The following CLMP variants were observed in gnomAD, a reference collection of about 807,000 sequenced individuals.
CLMP encodes the protein CXADR-like membrane protein.
Under a neutral mutation model 45.2 loss-of-function variants are expected in CLMP, and 27 were observed. The observed-to-expected ratio is 0.60, with a 90% CI of 0.44 to 0.82. The LOEUF (loss-of-function observed/expected upper bound fraction) is 0.82. Among genes scored for constraint, CLMP ranks in the 40% least tolerant of loss-of-function variants. The pLI, the probability that CLMP is intolerant of heterozygous loss-of-function variation, is 0.00. For synonymous variants in CLMP, 167 were observed against 171.4 expected (o/e 0.97, Z 0.20); for missense variants, 403 against 448.4 (o/e 0.90, Z 0.91).
At chr11:123,128,954 T>G (rs939884776) in intron 1 of CLMP, among the ~76,000 whole-genome samples, 1 of 152,194 alleles carries the variant, frequency 6.6e-6, no homozygotes, top group Non-Finnish European at 1.5e-5. Flanking sequence ...AGAAATTGAC[T>G]GCAGAAATAC....
rs185010968 is a variant in CLMP, at chr11:123,096,790, T to C, written c.186+1005A>G. On this transcript the variant is annotated intron_variant, in intron 2 of 6. Coordinates refer to ENST00000448775, the MANE Select transcript of CLMP (RefSeq NM_024769.5). ...GACAGAGAAGAGGAAAGGACAACTT[T>C]TTTCTTTCTTTTGCTTTTGTTTTGT... is the stretch of plus-strand genomic sequence containing the variant. 8.2e-4 allele frequency among the ~76,000 whole-genome samples: 125 copies of C among 152,134 alleles called. 1 individual carries two copies. Among genetic ancestry groups the C allele is most frequent in the East Asian group, 3.9e-4 (2 of 5,172 alleles).
At chr11:123,121,636 G>C (rs531277341) in intron 1 of CLMP, among the ~76,000 whole-genome samples, 15 of 152,094 alleles carry the variant, frequency 9.9e-5, no homozygotes, top group Non-Finnish European at 2.2e-4. Context: ...TCAGTGGGAG[G>C]TGGGTAATGG....
At chr11:123,160,764 G>A (rs1861476369) in intron 1 of CLMP, among the ~76,000 whole-genome samples, 2 of 152,160 alleles carry the variant, frequency 1.3e-5, no homozygotes, top group South Asian at 2.1e-4. Flanking sequence ...GATCACCTGA[G>A]GTCAGGAGTT....
intron 1 of CLMP, among the ~76,000 whole-genome samples, chr11:123,115,728 A>C (rs1297901104): frequency 2.0e-5 from 3 of 152,150 alleles, no homozygotes; most frequent in Non-Finnish European, 4.4e-5. Context: ...GGGTGTGACC[A>C]TTTCACGAAA....
intron 1 of CLMP, among the ~76,000 whole-genome samples, chr11:123,125,553 C>T (rs1316900419): frequency 1.7e-5 from 2 of 119,664 alleles, no homozygotes; most frequent in Non-Finnish European, 3.6e-5. Flanking sequence ...CTCCCCTCCC[C>T]TCCCTCCCTT....
At position 123,072,294 on chromosome 11, in the gene CLMP, C is replaced by T. The variant is rs1010222938; in HGVS notation, c.*1180G>A. The T allele has an allele frequency of 6.6e-6, 1 of 150,746 alleles. No individual in the cohort carries two copies. The highest frequency in any genetic ancestry group is 2.5e-5 in the African/African-American group (1 of 40,618). 9.3% of individuals were successfully genotyped at this position (150,746 alleles called of 1,614,324 possible). A position where few individuals can be genotyped will look rare whatever the true frequency, so the allele number is the denominator to read the frequency against. On this transcript the variant is annotated 3_prime_UTR_variant, in exon 7 of 7. Transcript: ENST00000448775. ...CCAAGTGTGGTACAATACTGAACTT[C>T]CTTTTATCCTTCCTTGATTTTTTTT...
At chr11:123,085,776 T>G (rs1451159698) in intron 2 of CLMP, among the ~76,000 whole-genome samples, 5 of 147,440 alleles carry the variant, frequency 3.4e-5, no homozygotes, top group Admixed American at 7.1e-5. Flanking sequence ...TATGTTTTTT[T>G]TTTTTTGTTT....
At chr11:123,105,379 C>G (rs868073576) in intron 1 of CLMP, among the ~76,000 whole-genome samples, 1 of 108,448 alleles carries the variant, frequency 9.2e-6, no homozygotes, top group Non-Finnish European at 2.0e-5. Flanking sequence ...CTCCCTCCCT[C>G]CCTCCCTTCC....
chr11:123,158,277 C>A (rs989016051), intron 1 of CLMP, among the ~76,000 whole-genome samples: 1 of 152,190 alleles, frequency 6.6e-6, no homozygotes, highest in East Asian at 1.9e-4. Context: ...TGGATGCAAT[C>A]CTTTTTAATG....
intron 1 of CLMP, among the ~76,000 whole-genome samples, chr11:123,137,614 CAGGCTGCCTGCA>C (rs1366064483): frequency 1.3e-5 from 2 of 152,032 alleles, no homozygotes; most frequent in Non-Finnish European, 2.9e-5. Flanking sequence ...GAGCAGGCTG[CAGGCTGCCTGCA>C]GCCTGTCGCC....
intron 1 of CLMP, among the ~76,000 whole-genome samples, chr11:123,143,256 G>T (rs2135518760): frequency 6.6e-6 from 1 of 152,320 alleles, no homozygotes; most frequent in South Asian, 2.1e-4. Context: ...CCTTAGTGAT[G>T]AATTTTTCTC....
intron 1 of CLMP, chr11:123,136,192 T>C (rs969149010): frequency 7.8e-6 from 5 of 638,768 alleles, no homozygotes; most frequent in Non-Finnish European, 1.2e-5. Context: ...GGAACAAAAA[T>C]CCTGCAAACC....
intron 2 of CLMP, among the ~76,000 whole-genome samples, chr11:123,086,771 T>A (rs944479872): frequency 1.3e-5 from 2 of 152,072 alleles, no homozygotes; most frequent in Non-Finnish European, 2.9e-5. Flanking sequence ...TCCAAGCACT[T>A]TGGGAGACCA....
At chr11:123,107,137 T>C (rs1207852713) in intron 1 of CLMP, among the ~76,000 whole-genome samples, 1 of 151,230 alleles carries the variant, frequency 6.6e-6, no homozygotes, top group East Asian at 1.9e-4. Context: ...CATAACTCAC[T>C]GCAGCCTGAA....
chr11:123,179,232 A>G (rs116130923), intron 1 of CLMP, among the ~76,000 whole-genome samples: 2,496 of 152,340 alleles, frequency 0.016, 70 homozygotes, highest in African/African-American at 0.055. Flanking sequence ...GTCCTTTCTC[A>G]TGGAAGGAGC....
chr11:123,168,477 G>C (rs905971645), intron 1 of CLMP, among the ~76,000 whole-genome samples: 1 of 152,204 alleles, frequency 6.6e-6, no homozygotes, highest in Non-Finnish European at 1.5e-5. Context: ...AGTTGGGAAT[G>C]AGGCAGGGAT....
At chr11:123,136,219 C>G in intron 1 of CLMP, 2 of 647,684 alleles carry the variant, frequency 3.1e-6, no homozygotes, top group Non-Finnish European at 6.0e-6. Context: ...GAACACCACC[C>G]ATTACAATCT....
At chr11:123,167,435 A>G (rs181838082) in intron 1 of CLMP, among the ~76,000 whole-genome samples, 14,339 of 152,016 alleles carry the variant, frequency 0.094, 870 homozygotes, top group Middle Eastern at 0.17. Flanking sequence ...ACAGGCGCCC[A>G]CCACCACGCC....
chr11:123,141,913 C>T (rs1380271525), intron 1 of CLMP, among the ~76,000 whole-genome samples: 2 of 151,808 alleles, frequency 1.3e-5, no homozygotes, highest in Non-Finnish European at 2.9e-5. Flanking sequence ...TCCACTGTGG[C>T]CCCAGCAGAT....
Sources: gnomAD v4.1 joint callset for allele counts (sites outside exome capture counted in the v4.1 genomes callset) on GRCh38, gnomAD v4.1.1 for gene constraint, MANE v1.5 for transcripts, NCBI Gene and HGNC (gene_info 2026-07-23, HGNC 2026-07-21) for gene names.